AEBP1: variants seen among roughly 807,000 people sequenced by gnomAD.
The protein encoded by AEBP1 is adipocyte enhancer-binding protein 1.
A neutral mutation model predicts 116.5 loss-of-function variants in AEBP1; 69 were observed. That is an observed-to-expected ratio of 0.59 (90% confidence interval 0.49 to 0.72). The LOEUF (loss-of-function observed/expected upper bound fraction) is 0.72, where lower values mean the gene tolerates loss of function less well. Ranked by LOEUF, AEBP1 falls within the 30% of genes least tolerant of loss-of-function variation. The pLI, the probability that AEBP1 is intolerant of heterozygous loss-of-function variation, is 0.00. For synonymous variants in AEBP1, 627 were observed against 627.3 expected (o/e 1.00, Z 0.01); for missense variants, 1,444 against 1,557.5 (o/e 0.93, Z 1.23).
Position 44,112,234 on chromosome 7 carries a change from G to A in AEBP1, c.2130G>A (p.Trp710Ter), listed in dbSNP as rs1415250210. 6.2e-7 allele frequency: 1 copy of A among 1,608,002 alleles called. No homozygotes were observed. Among genetic ancestry groups the A allele is most frequent in the South Asian group, 1.1e-5 (1 of 90,892 alleles). Residue 710 changes from tryptophan (W) to a stop codon, truncating the protein, a stop_gained, in exon 17 of 21, where the codon TGG (tryptophan) becomes TGA (stop). Transcript: ENST00000223357. LOFTEE classifies it high-confidence loss of function. This position sits in a 1 kb window ranked among gnomAD's most constrained non-coding sequence, Gnocchi z 6.6. ...EDFPDLNSVL[W>*]GAEERKWVPY... is the part of the protein sequence containing the mutation. Reference sequence around the variant, plus strand: ...TCCCGGATCTCAACTCTGTGCTCTGGGGAGCTGAGGAGAGGAAATGGGTCC... The same window carrying A: ...TCCCGGATCTCAACTCTGTGCTCTGAGGAGCTGAGGAGAGGAAATGGGTCC...
rs1170885172 is a variant in AEBP1, at chr7:44,112,229, C to T, written c.2125C>T (p.Leu709Phe). Residue 709 changes from leucine to phenylalanine, a missense_variant, in exon 17 of 21, where the codon CTC (leucine) becomes TTC (phenylalanine). Transcript: ENST00000223357. The surrounding 1 kb of genome is among the most constrained non-coding windows in gnomAD (Gnocchi z 6.6). The stretch of plus-strand genomic sequence containing the variant: ...AGATTTCCCGGATCTCAACTCTGTG[C>T]TCTGGGGAGCTGAGGAGAGGAAATG... ...FEDFPDLNSVLWGAEERKWVP... is the reference protein window; with the variant it reads ...FEDFPDLNSVFWGAEERKWVP... The T allele has an allele frequency of 6.2e-7, 1 of 1,609,122 alleles. No homozygotes were observed. Among genetic ancestry groups the T allele is most frequent in the Non-Finnish European group, 8.5e-7 (1 of 1,176,066 alleles).
rs947364781 is a variant in AEBP1 at position 44,114,478 on chromosome 7, C to T, written c.*217C>T. 21 of 640,750 alleles carry T rather than the reference C, an allele frequency of 3.3e-5. No individual in the cohort carries two copies. Among genetic ancestry groups the T allele is most frequent in the Non-Finnish European group, 5.6e-5 (21 of 375,754 alleles). 39.7% of individuals were successfully genotyped at this position (640,750 alleles called of 1,614,324 possible). A position where few individuals can be genotyped will look rare whatever the true frequency, so the allele number is the denominator to read the frequency against. On this transcript the variant is annotated 3_prime_UTR_variant, in exon 21 of 21. Transcript: ENST00000223357. ...AGGCTCCTGCTCCACCTGCCAGTCT[C>T]GTAAGAGATGGGGTTGCTGCAGTGT... is the stretch of plus-strand genomic sequence containing the variant.
chr7:44,109,815 A>G (rs1586048280), intron 9 of AEBP1, 200 bp from the exon 10 acceptor site: 1 of 602,248 alleles, frequency 1.7e-6, no homozygotes, highest in Non-Finnish European at 2.9e-6. Flanking sequence ...ACAGGCTGGG[A>G]TTGGAAACAG....
chr7:44,104,813 C>T lies in AEBP1; in HGVS notation c.148C>T (p.Arg50Trp). Residue 50 changes from arginine to tryptophan, a missense_variant, in exon 1 of 21, where the codon CGG becomes TGG. By Grantham distance (101) the Arg-to-Trp change is moderately radical. Coordinates refer to ENST00000223357, the MANE Select transcript of AEBP1 (RefSeq NM_001129.5). ...GFLSELEPEP[R>W]EDDVEAPPPP... ...CCTGTCAGAGCTAGAACCTGAGCCC[C>T]GGGAGGACGACGTGGAGGCCCCGCC... 2.5e-6 allele frequency: 4 copies of T among 1,606,012 alleles called. No homozygotes were observed. The highest frequency in any genetic ancestry group is 3.4e-6 in the Non-Finnish European group (4 of 1,177,152).
rs948663263 is a variant in AEBP1, at chr7:44,113,755, C to A, written c.2971C>A (p.Arg991=). Residue 991 remains arginine (R), a synonymous_variant, in exon 21 of 21, where the codon CGG becomes AGG. Coordinates refer to ENST00000223357, the MANE Select transcript of AEBP1 (RefSeq NM_001129.5). The surrounding 1 kb of genome is among the most constrained non-coding windows in gnomAD (Gnocchi z 5.3). ...ILARSNWKRI[R]EIMAMNGNRP... ...GGCTCGCTCCAACTGGAAGCGCATC[C>A]GGGAGATCATGGCCATGAACGGGAA... is the stretch of plus-strand genomic sequence containing the variant. 1 of 1,614,096 alleles carries A rather than the reference C, an allele frequency of 6.2e-7. No homozygotes were observed. The highest frequency in any genetic ancestry group is 1.1e-5 in the South Asian group (1 of 91,086).
Position 44,104,437 on chromosome 7 carries a change from C to T in AEBP1, c.-229C>T, listed in dbSNP as rs1403348745. ...CCAGGACCTCGGAGCGCCCCGACCACCCCTGAGCCCCTCTGGCTTCGGAGC... is the reference window on the plus strand; with the variant it reads ...CCAGGACCTCGGAGCGCCCCGACCATCCCTGAGCCCCTCTGGCTTCGGAGC... On this transcript the variant is annotated 5_prime_UTR_variant, in exon 1 of 21. Transcript: ENST00000223357. 2 of 399,484 alleles carry T rather than the reference C, an allele frequency of 5.0e-6. No homozygotes were observed. The highest frequency in any genetic ancestry group is 4.2e-5 in the African/African-American group (2 of 47,324). The allele number at this position is 399,484 out of a possible 1,614,324, so 24.7% of individuals were successfully genotyped here.
At position 44,111,139 on chromosome 7, in the gene AEBP1, C is replaced by T; in HGVS notation, c.1631-15C>T. On this transcript the variant is annotated splice_polypyrimidine_tract_variant and intron_variant, in intron 13 of 20. Transcript: ENST00000223357. The surrounding 1 kb of genome is among the most constrained non-coding windows in gnomAD (Gnocchi z 4.7). ...AGCCGGCACCCAGCTAAAGACAACC[C>T]CGCCTCCCTTGCAGCTGTCTACAGC... 1 of 1,562,602 alleles carries T rather than the reference C, an allele frequency of 6.4e-7. No homozygotes were observed. The highest frequency in any genetic ancestry group is 8.7e-7 in the Non-Finnish European group (1 of 1,151,842).
intron 9 of AEBP1, 24 bp downstream of exon 9, chr7:44,109,365 GA>G: frequency 7.0e-7 from 1 of 1,419,884 alleles, no homozygotes; most frequent in Non-Finnish European, 9.6e-7. Context: ...ACAAGGGGGT[GA>G]GGGTGGGGGC....
rs1325932143 is a variant in AEBP1 at position 44,112,793 on chromosome 7, C to T, written c.2453C>T (p.Ser818Phe). ...GCCATCTTCCGGTGGCTTGCCATCT[C>T]CTTCGCCTCCGCACACCTCACCTTG... ...DHAIFRWLAI[S>F]FASAHLTLTE... The change falls in exon 18 of 21, where the codon TCC becomes TTC. Residue 818 changes from serine (S) to phenylalanine (F), a missense_variant. Transcript: ENST00000223357. The surrounding 1 kb of genome is among the most constrained non-coding windows in gnomAD (Gnocchi z 6.6). The T allele has an allele frequency of 1.2e-6, 2 of 1,612,388 alleles. No individual in the cohort carries two copies. Among genetic ancestry groups the T allele is most frequent in the African/African-American group, 2.7e-5 (2 of 74,922 alleles).
Position 44,107,232 on chromosome 7 carries a change from C to T in AEBP1, c.596-207C>T, listed in dbSNP as rs908470199. Reference sequence around the variant, plus strand: ...GCCTCCAGCAGCACAGTAGGTTCCCCAGAAGGTGGGCCCAGCTCTCTGGCC... The same window carrying T: ...GCCTCCAGCAGCACAGTAGGTTCCCTAGAAGGTGGGCCCAGCTCTCTGGCC... On this transcript the variant is annotated intron_variant, in intron 2 of 20. Coordinates refer to ENST00000223357, the MANE Select transcript of AEBP1 (RefSeq NM_001129.5). The surrounding 1 kb of genome is among the most constrained non-coding windows in gnomAD (Gnocchi z 4.3). Among the ~76,000 whole-genome samples, 2 of 152,196 alleles carry T rather than the reference C, an allele frequency of 1.3e-5. No individual in the cohort carries two copies. The highest frequency in any genetic ancestry group is 4.8e-5 in the African/African-American group (2 of 41,452).
intron 12 of AEBP1, 21 bp downstream of exon 12, chr7:44,110,830 C>T: frequency 1.3e-6 from 2 of 1,596,294 alleles, no homozygotes; most frequent in South Asian, 2.2e-5. Flanking sequence ...TGCCCAGGCT[C>T]TTGGCTCTGC....
Position 44,114,200 on chromosome 7 carries a change from C to G in AEBP1, c.3416C>G (p.Thr1139Ser), listed in dbSNP as rs2096234074. 1 of 1,614,138 alleles carries G rather than the reference C, an allele frequency of 6.2e-7. No homozygotes were observed. The highest frequency in any genetic ancestry group is 8.5e-7 in the Non-Finnish European group (1 of 1,180,026). ...EEEEKEEEIA[T>S]GQAFPFTTVE... ...GAGGAGAAAGAGGAGGAGATAGCCA[C>G]TGGCCAGGCATTCCCCTTCACAACA... Residue 1139 changes from threonine (T) to serine (S), a missense_variant, in exon 21 of 21, where the codon ACT (threonine) becomes AGT (serine). Transcript: ENST00000223357.
In AEBP1 at chr7:44,111,060, G is replaced by A. The variant is rs774011456; in HGVS notation, c.1630+3G>A. ...GGTGCTGGGGTGCTCTGTGGCCCGT[G>A]AGTGTGGAGGGCTGGCAGGGGCTCT... On this transcript the variant is annotated splice_donor_region_variant and intron_variant, in intron 13 of 20. Transcript: ENST00000223357. The surrounding 1 kb of genome is among the most constrained non-coding windows in gnomAD (Gnocchi z 4.7). 3.1e-6 allele frequency: 5 copies of A among 1,606,386 alleles called. No individual in the cohort carries two copies. The highest frequency in any genetic ancestry group is 1.7e-4 in the Middle Eastern group (1 of 6,024).
intron 9 of AEBP1, chr7:44,109,803 G>A (rs760576338): frequency 8.4e-6 from 5 of 596,200 alleles, no homozygotes; most frequent in African/African-American, 7.4e-5. Flanking sequence ...GGGAGGGGAA[G>A]CACAGGCTGG....
rs1443296330 is a variant in AEBP1 at position 44,112,020 on chromosome 7, C to T, written c.2007C>T (p.Asn669=). 3.7e-6 allele frequency: 6 copies of T among 1,613,736 alleles called. No homozygotes were observed. In the South Asian group the frequency reaches 5.5e-5, roughly 15 times the overall value. ...GCATCCACCTGGTGCCCTCACTGAA[C>T]CCTGATGGCTACGAGGTGGCAGCGC... is the stretch of plus-strand genomic sequence containing the variant. The part of the protein sequence containing the change: ...DTRIHLVPSL[N]PDGYEVAAQM... The change falls in exon 16 of 21, where the codon AAC becomes AAT. Residue 669 remains asparagine (N), a synonymous_variant. Coordinates refer to ENST00000223357, the MANE Select transcript of AEBP1 (RefSeq NM_001129.5). This position sits in a 1 kb window ranked among gnomAD's most constrained non-coding sequence, Gnocchi z 6.6.
At position 44,110,196 on chromosome 7, in the gene AEBP1, C is replaced by G; in HGVS notation, c.1261-11C>G. On this transcript the variant is annotated splice_polypyrimidine_tract_variant and intron_variant, in intron 10 of 20. Transcript: ENST00000223357. Reference sequence around the variant, plus strand: ...TCCGCCCATGCTCAGCCTCCCCTGCCCCCTGGACAGACCGGTGCCACTGAG... The same window carrying G: ...TCCGCCCATGCTCAGCCTCCCCTGCGCCCTGGACAGACCGGTGCCACTGAG... 5 of 1,613,554 alleles carry G rather than the reference C, an allele frequency of 3.1e-6. No individual in the cohort carries two copies. Among genetic ancestry groups the G allele is most frequent in the Non-Finnish European group, 4.2e-6 (5 of 1,180,006 alleles).
In AEBP1 at chr7:44,112,461, C is replaced by T; in HGVS notation, c.2218-97C>T. ...GGGGGTTGGGGGACAGGGGATCGTG[C>T]GAGTACTGGTGTGAAGCTTCATGGA... On this transcript the variant is annotated intron_variant, in intron 17 of 20. Transcript: ENST00000223357. This position sits in a 1 kb window ranked among gnomAD's most constrained non-coding sequence, Gnocchi z 6.6. The T allele has an allele frequency of 1.4e-6, 2 of 1,390,520 alleles. No homozygotes were observed. Among genetic ancestry groups the T allele is most frequent in the Non-Finnish European group, 1.9e-6 (2 of 1,027,462 alleles). The allele number at this position is 1,390,520 out of a possible 1,614,324, so 86.1% of individuals were successfully genotyped here.
rs764638169 is a variant in AEBP1 at position 44,110,331 on chromosome 7, G to C, written c.1385G>C (p.Arg462Thr). The C allele has an allele frequency of 6.2e-7, 1 of 1,613,688 alleles. No individual in the cohort carries two copies. Among genetic ancestry groups the C allele is most frequent in the East Asian group, 2.2e-5 (1 of 44,888 alleles). The change falls in exon 11 of 21, where the codon AGA (arginine) becomes ACA (threonine). Residue 462 changes from arginine (R) to threonine (T), a missense_variant. Physicochemically the swap from Arg to Thr is moderately conservative, Grantham distance 71 (BLOSUM62 -1). Transcript: ENST00000223357. Reference protein sequence around the residue: ...TRFTGVITQGRDSSIHDDFVT... With the variant: ...TRFTGVITQGTDSSIHDDFVT... ...TTCACAGGCGTCATCACCCAGGGCA[G>C]AGACTCCAGCATCCAGTGCGTGGCC...
chr7:44,105,204 G>C (rs1447987616), intron 1 of AEBP1, among the ~76,000 whole-genome samples: 1 of 152,208 alleles, frequency 6.6e-6, no homozygotes, highest in Non-Finnish European at 1.5e-5. Flanking sequence ...TCCAGTACGC[G>C]ACAGGTACTA....
Sources: gnomAD v4.1 joint callset for allele counts (sites outside exome capture counted in the v4.1 genomes callset) on GRCh38, gnomAD v4.1.1 for gene constraint, Gnocchi (gnomAD v3.1) non-coding constraint, MANE v1.5 for transcripts, NCBI Gene and HGNC (gene_info 2026-07-23, HGNC 2026-07-21) for gene names.